RBFOX1: variants seen among roughly 807,000 people sequenced by gnomAD.
RBFOX1 encodes RNA binding fox-1 homolog 1.
Under a neutral mutation model 57.7 loss-of-function variants are expected in RBFOX1, and 8 were observed. The observed-to-expected ratio is 0.14, with a 90% CI of 0.08 to 0.25. The LOEUF (loss-of-function observed/expected upper bound fraction) is 0.25. Ranked by LOEUF, RBFOX1 falls within the 10% of genes least tolerant of loss-of-function variation. RBFOX1 has a pLI of 1.00. For missense variants in RBFOX1, 611 were observed against 548.5 expected (o/e 1.11, Z -1.14); for synonymous variants, 326 against 222.4 (o/e 1.47, Z -4.15).
chr16:6,982,995 A>G (rs74336175), intron 3 of RBFOX1, among the ~76,000 whole-genome samples: 1 of 118,962 alleles, frequency 8.4e-6, no homozygotes, highest in East Asian at 2.6e-4. Flanking sequence ...ACTCTGTCTA[A>G]AAAAAAAAAA....
Position 7,021,644 on chromosome 16 carries a change from A to T in RBFOX1, c.-15-30413A>T, listed in dbSNP as rs568568030. ...ATTTTATAAATTATATAAAAATTTT[A>T]TTAAAATTTTTATTTCCCTCAGCCT... On this transcript the variant is annotated intron_variant, in intron 3 of 15. Transcript: ENST00000550418. Among the ~76,000 whole-genome samples the T allele has an allele frequency of 2.1e-3, 317 of 147,836 alleles. 2 individuals are homozygous for T. The highest frequency in any genetic ancestry group is 7.4e-3 in the African/African-American group (303 of 40,888).
At chr16:7,258,941 A>G (rs1167354523) in intron 4 of RBFOX1, among the ~76,000 whole-genome samples, 1 of 152,204 alleles carries the variant, frequency 6.6e-6, no homozygotes, top group Non-Finnish European at 1.5e-5. Flanking sequence ...TAGATGGAAG[A>G]AAGATGGGTC....
intron 2 of RBFOX1, among the ~76,000 whole-genome samples, chr16:5,551,791 GC>G (rs2045475963): frequency 9.0e-6 from 1 of 111,232 alleles, no homozygotes; most frequent in Non-Finnish European, 1.9e-5. Flanking sequence ...CCCTCCCTCC[GC>G]CCCCCACCCC....
At chr16:5,335,765 A>AGCATAACC (rs1372573820) in intron 1 of RBFOX1, among the ~76,000 whole-genome samples, 1 of 152,174 alleles carries the variant, frequency 6.6e-6, no homozygotes, top group Non-Finnish European at 1.5e-5. Flanking sequence ...TTCAGAAGCC[A>AGCATAACC]GCATAACCAC....
At chr16:6,671,617 C>A (rs555263448) in intron 3 of RBFOX1, among the ~76,000 whole-genome samples, 1 of 152,206 alleles carries the variant, frequency 6.6e-6, no homozygotes, top group South Asian at 2.1e-4. Flanking sequence ...CACCTGCTCC[C>A]CACCCTTTCC....
At chr16:7,470,323 T>C (rs919929548) in intron 4 of RBFOX1, among the ~76,000 whole-genome samples, 4 of 152,200 alleles carry the variant, frequency 2.6e-5, no homozygotes, top group Non-Finnish European at 5.9e-5. Flanking sequence ...TTCCCTATGA[T>C]GTAGAAGAGT....
chr16:6,043,375 A>C (rs1725596868), intron 1 of RBFOX1, among the ~76,000 whole-genome samples: 3 of 152,180 alleles, frequency 2.0e-5, no homozygotes, highest in Admixed American at 2.0e-4. Context: ...GTCATTTCAA[A>C]ATATGTCAAA....
At position 6,550,819 on chromosome 16, in the gene RBFOX1, AC is replaced by A. The variant is rs557489811; in HGVS notation, c.-63-103783del. Among the ~76,000 whole-genome samples the A allele has an allele frequency of 2.6e-5, 4 of 152,362 alleles. No individual in the cohort carries two copies. In the South Asian group the frequency reaches 8.3e-4, roughly 32 times the overall value. ...ACTGTTTTGTGATTCTTGCTTCGGC[AC>A]TTCACATTGATTAGAACAATGCCTG... On this transcript the variant is annotated intron_variant, in intron 2 of 15. Coordinates refer to ENST00000550418, the MANE Select transcript of RBFOX1 (RefSeq NM_018723.4).
intron 4 of RBFOX1, among the ~76,000 whole-genome samples, chr16:7,088,562 C>T (rs1319158804): frequency 2.0e-5 from 3 of 149,716 alleles, no homozygotes; most frequent in African/African-American, 4.9e-5. Flanking sequence ...TTCTGGAGAT[C>T]GTATTAAAAT....
intron 4 of RBFOX1, among the ~76,000 whole-genome samples, chr16:7,189,717 C>T (rs1014304016): frequency 6.6e-6 from 1 of 152,230 alleles, no homozygotes; most frequent in East Asian, 1.9e-4. Context: ...CTGATGGGGT[C>T]TAGGTCAGCA....
Position 6,019,871 on chromosome 16 carries a change from C to A in RBFOX1, c.-248C>A. 1 of 1,534,548 alleles carries A rather than the reference C, an allele frequency of 6.5e-7. No individual in the cohort carries two copies. Among genetic ancestry groups the A allele is most frequent in the Non-Finnish European group, 8.7e-7 (1 of 1,146,290 alleles). ...AAGTTGCGGACAGTGCGTGAGAAAC[C>A]AGCACCCCCTTCCGCCGCCTCCAGC... On this transcript the variant is annotated 5_prime_UTR_variant, in exon 1 of 16. Transcript: ENST00000550418. This position sits in a 1 kb window ranked among gnomAD's most constrained non-coding sequence, Gnocchi z 4.2.
At chr16:7,439,447 A>G (rs567516923) in intron 4 of RBFOX1, among the ~76,000 whole-genome samples, 10 of 152,012 alleles carry the variant, frequency 6.6e-5, no homozygotes, top group Non-Finnish European at 1.0e-4. Flanking sequence ...AAAACAAATC[A>G]TTTGTATTCT....
chr16:7,355,068 G>C (rs1251044028), intron 4 of RBFOX1, among the ~76,000 whole-genome samples: 6 of 152,162 alleles, frequency 3.9e-5, no homozygotes, highest in Admixed American at 6.5e-5. Context: ...TGAGGTCTTA[G>C]TTAATCCTCC....
chr16:6,977,689 T>G (rs770374409), intron 3 of RBFOX1, among the ~76,000 whole-genome samples: 96 of 152,052 alleles, frequency 6.3e-4, no homozygotes, highest in Non-Finnish European at 6.2e-4. Context: ...CATTAGCACT[T>G]GGTGAATATT....
At chr16:7,333,749 C>G (rs528482960) in intron 4 of RBFOX1, among the ~76,000 whole-genome samples, 2 of 139,636 alleles carry the variant, frequency 1.4e-5, no homozygotes, top group East Asian at 3.9e-4. Flanking sequence ...ATTAATCTAC[C>G]AATAAACAAT....
At chr16:7,504,742 TATATATA>T (rs2072398140) in intron 4 of RBFOX1, among the ~76,000 whole-genome samples, 1 of 11,116 alleles carries the variant, frequency 9.0e-5, no homozygotes, top group African/African-American at 2.2e-4. Flanking sequence ...TATATATATA[TATATATA>T]TATATTTATA....
intron 1 of RBFOX1, among the ~76,000 whole-genome samples, chr16:5,249,504 C>G (rs2062391409): frequency 6.6e-6 from 1 of 152,222 alleles, no homozygotes; most frequent in South Asian, 2.1e-4. Flanking sequence ...TCTTTTCTGA[C>G]TCTGTTCTAT....
intron 2 of RBFOX1, among the ~76,000 whole-genome samples, chr16:6,649,093 T>C (rs1167092780): frequency 6.6e-6 from 1 of 152,162 alleles, no homozygotes; most frequent in Non-Finnish European, 1.5e-5. Flanking sequence ...TAGGCCCAGA[T>C]CTCCCCAGCA....
At chr16:5,358,291 C>T (rs2065449314) in intron 1 of RBFOX1, among the ~76,000 whole-genome samples, 1 of 143,594 alleles carries the variant, frequency 7.0e-6, no homozygotes, top group South Asian at 2.1e-4. Context: ...GGGATTAGGG[C>T]CCATTCTGTT....
Sources: allele counts gnomAD v4.1 joint callset (sites outside exome capture counted in the v4.1 genomes callset), GRCh38; gene constraint gnomAD v4.1.1; non-coding constraint Gnocchi (gnomAD v3.1); transcripts MANE v1.5; gene names NCBI Gene and HGNC (gene_info 2026-07-23, HGNC 2026-07-21).